RBFOX1: variants seen among roughly 807,000 people sequenced by gnomAD.
RBFOX1 encodes RNA binding fox-1 homolog 1.
Under a neutral mutation model 57.7 loss-of-function variants are expected in RBFOX1, and 8 were observed. The ratio of observed to expected loss-of-function variants is 0.14; its 90% CI spans 0.08 to 0.25. The LOEUF (loss-of-function observed/expected upper bound fraction) is 0.25. RBFOX1 is among the 10% of genes least tolerant of loss of function. RBFOX1 has a pLI of 1.00. For missense variants in RBFOX1, 611 were observed against 548.5 expected, an observed-to-expected ratio of 1.11 and a Z score of -1.14; for synonymous variants, 326 against 222.4, an observed-to-expected ratio of 1.47 and a Z score of -4.15.
intron 4 of RBFOX1, among the ~76,000 whole-genome samples, chr16:7,379,538 T>A (rs535597374): frequency 6.6e-6 from 1 of 152,352 alleles, no homozygotes; most frequent in African/African-American, 2.4e-5. Context: ...TTTAGTACTT[T>A]CTGCTGTCCA....
chr16:6,647,951 C>T (rs966431439), intron 2 of RBFOX1, among the ~76,000 whole-genome samples: 13 of 152,104 alleles, frequency 8.5e-5, no homozygotes, highest in East Asian at 1.9e-4. Flanking sequence ...AAGTGATTCT[C>T]GTGCGTCAGC....
chr16:6,248,621 T>C (rs1264841986), intron 1 of RBFOX1, among the ~76,000 whole-genome samples: 2 of 152,152 alleles, frequency 1.3e-5, no homozygotes, highest in African/African-American at 4.8e-5. Context: ...GGGTTTTTAT[T>C]CACATTTTAA....
chr16:6,539,387 C>T (rs1182793076), intron 2 of RBFOX1, among the ~76,000 whole-genome samples: 1 of 152,148 alleles, frequency 6.6e-6, no homozygotes, highest in African/African-American at 2.4e-5. Context: ...GCATCTGGCA[C>T]ACAGCAGCAC....
At chr16:7,074,103 G>A (rs1329637441) in intron 4 of RBFOX1, among the ~76,000 whole-genome samples, 2 of 152,144 alleles carry the variant, frequency 1.3e-5, no homozygotes, top group South Asian at 2.1e-4. Context: ...TACAATATTT[G>A]TTTTCTGTCT....
At chr16:6,454,104 A>G (rs1762664674) in intron 2 of RBFOX1, among the ~76,000 whole-genome samples, 1 of 152,180 alleles carries the variant, frequency 6.6e-6, no homozygotes, top group Non-Finnish European at 1.5e-5. Flanking sequence ...GGCAGCAGTC[A>G]TGTTGGATGA....
At chr16:6,513,618 C>A (rs991563152) in intron 2 of RBFOX1, among the ~76,000 whole-genome samples, 2 of 152,132 alleles carry the variant, frequency 1.3e-5, no homozygotes, top group African/African-American at 4.8e-5. Context: ...CCTGTAATGA[C>A]AGCTATTCGG....
At chr16:7,089,059 G>A (rs537008372) in intron 4 of RBFOX1, among the ~76,000 whole-genome samples, 6 of 152,132 alleles carry the variant, frequency 3.9e-5, no homozygotes, top group African/African-American at 9.7e-5. Context: ...TTGCCCCTCA[G>A]TGAGCCTTGT....
At chr16:5,675,214 T>G (rs2079739) in intron 3 of RBFOX1, among the ~76,000 whole-genome samples, 30,304 of 151,826 alleles carry the variant, frequency 0.2, 3,665 homozygotes, top group East Asian at 0.33. Context: ...ATGCATGTAC[T>G]CACGCACACA....
intron 4 of RBFOX1, among the ~76,000 whole-genome samples, chr16:7,310,874 C>T (rs1426012678): frequency 1.3e-5 from 2 of 152,190 alleles, no homozygotes; most frequent in African/African-American, 4.8e-5. Flanking sequence ...AGCAAAGGCC[C>T]CTGTCCTCAC....
intron 3 of RBFOX1, among the ~76,000 whole-genome samples, chr16:7,050,358 C>T (rs1369368205): frequency 3.3e-5 from 5 of 149,278 alleles, no homozygotes; most frequent in African/African-American, 4.9e-5. Context: ...CTCTGCCTCC[C>T]AGGTTCAAGT....
intron 3 of RBFOX1, among the ~76,000 whole-genome samples, chr16:5,815,534 AC>A (rs1250802954): frequency 6.6e-6 from 1 of 151,530 alleles, no homozygotes; most frequent in Non-Finnish European, 1.5e-5. Context: ...TTCCGTTTGG[AC>A]CCCACTCAGA....
At chr16:6,577,045 C>G (rs1391706816) in intron 2 of RBFOX1, 1 of 152,192 alleles carries the variant, frequency 6.6e-6, no homozygotes, top group Non-Finnish European at 1.5e-5. Context: ...GGACTGTTCC[C>G]CCAAAACTGT....
chr16:5,445,981 C>G (rs907662091), intron 1 of RBFOX1, among the ~76,000 whole-genome samples: 26 of 152,162 alleles, frequency 1.7e-4, no homozygotes, highest in Admixed American at 4.6e-4. Flanking sequence ...ATTGCTCTAA[C>G]AAGTAAAAGA....
chr16:7,230,267 A>G (rs2093422594), intron 4 of RBFOX1, among the ~76,000 whole-genome samples: 1 of 152,138 alleles, frequency 6.6e-6, no homozygotes, highest in Non-Finnish European at 1.5e-5. Context: ...CAAAATAAAC[A>G]AACAGAAAGT....
chr16:5,835,524 C>A (rs763594017), intron 3 of RBFOX1, among the ~76,000 whole-genome samples: 2 of 152,098 alleles, frequency 1.3e-5, no homozygotes, highest in Non-Finnish European at 2.9e-5. Flanking sequence ...AGTCCAGATT[C>A]CCAGGACCCT....
At chr16:7,095,515 T>C (rs1259705914) in intron 4 of RBFOX1, among the ~76,000 whole-genome samples, 4 of 152,200 alleles carry the variant, frequency 2.6e-5, no homozygotes, top group South Asian at 4.1e-4. Context: ...GAGTTGTGTG[T>C]CCTCTTTTCC....
intron 1 of RBFOX1, among the ~76,000 whole-genome samples, chr16:6,021,597 T>C (rs922946492): frequency 6.6e-6 from 1 of 152,178 alleles, no homozygotes; most frequent in Non-Finnish European, 1.5e-5. Flanking sequence ...AAGAATCCCC[T>C]GGGCTTTCCT....
chr16:6,374,482 C>T (rs1282221587), intron 2 of RBFOX1, among the ~76,000 whole-genome samples: 1 of 151,932 alleles, frequency 6.6e-6, no homozygotes, highest in African/African-American at 2.4e-5. Flanking sequence ...TATTTTTGGC[C>T]ATATATATGT....
chr16:7,200,411 C>T (rs1044176321), intron 4 of RBFOX1, among the ~76,000 whole-genome samples: 9 of 152,200 alleles, frequency 5.9e-5, no homozygotes, highest in African/African-American at 2.2e-4. Context: ...TAACCCACAA[C>T]TGTGCTCTCT....
Sources: allele counts gnomAD v4.1 joint callset (sites outside exome capture counted in the v4.1 genomes callset), GRCh38; gene constraint gnomAD v4.1.1; transcripts MANE v1.5; gene names NCBI Gene and HGNC (gene_info 2026-07-23, HGNC 2026-07-21).